Variants in SMOC1 observed in about 807,000 individuals in gnomAD.
SMOC1 encodes the protein SPARC-related modular calcium-binding protein 1.
In SMOC1, 22 loss-of-function variants were observed where a neutral mutation model predicts 56.3. The observed-to-expected ratio is 0.39, with a 90% CI of 0.28 to 0.56. The LOEUF is 0.56. Among genes scored for constraint, SMOC1 ranks in the 20% least tolerant of loss-of-function variants. The pLI is 0.61. For missense variants in SMOC1, 509 were observed against 565.4 expected (o/e 0.90, Z 1.01); for synonymous variants, 193 against 215.0 (o/e 0.90, Z 0.89).
chr14:70,003,112 G>A (rs1043890904), intron 7 of SMOC1, among the ~76,000 whole-genome samples: 15 of 152,290 alleles, frequency 9.8e-5, no homozygotes, highest in African/African-American at 2.9e-4. Flanking sequence ...ATTTCATGTT[G>A]TAATTTAGAA....
At chr14:69,936,243 C>G (rs147268096) in intron 1 of SMOC1, among the ~76,000 whole-genome samples, 9 of 152,326 alleles carry the variant, frequency 5.9e-5, no homozygotes, top group Admixed American at 2.6e-4. Context: ...ATCACAGCAC[C>G]ACTTTGGCTT....
At chr14:69,925,472 C>T (rs1264093562) in intron 1 of SMOC1, among the ~76,000 whole-genome samples, 1 of 152,082 alleles carries the variant, frequency 6.6e-6, no homozygotes, top group East Asian at 1.9e-4. Flanking sequence ...TTTGCAATCA[C>T]AGGATCCAGT....
At chr14:70,014,924 G>T (rs1312000301) in intron 10 of SMOC1, among the ~76,000 whole-genome samples, 1 of 152,208 alleles carries the variant, frequency 6.6e-6, no homozygotes, top group Non-Finnish European at 1.5e-5. Context: ...ATGTGTTTAG[G>T]GTAGGAGTTT....
At chr14:69,933,176 A>T (rs1885211302) in intron 1 of SMOC1, among the ~76,000 whole-genome samples, 1 of 152,112 alleles carries the variant, frequency 6.6e-6, no homozygotes, top group East Asian at 1.9e-4. Flanking sequence ...TTTTTATCTT[A>T]CTCTTTTACT....
In SMOC1 at chr14:69,952,164, G is replaced by A. The variant is rs3742909; in HGVS notation, c.126G>A (p.Gln42=). ...PRFLISDRDP[Q]CNLHCSRTQP... The stretch of plus-strand genomic sequence containing the variant: ...TTCTAATAAGTGACCGTGACCCACA[G>A]TGCAACCTCCACTGCTCCAGGACTC... The change falls in exon 2 of 12, where the codon CAG becomes CAA. Residue 42 remains glutamine, a synonymous_variant. Transcript: ENST00000361956. The A allele has an allele frequency of 0.25, 408,039 of 1,613,900 alleles. 54,615 individuals are homozygous for A. The highest frequency in any genetic ancestry group is 0.38 in the East Asian group (17,227 of 44,864).
At chr14:69,977,995 G>A (rs372924919) in intron 5 of SMOC1, 30 bp downstream of exon 5, 3 of 1,598,752 alleles carry the variant, frequency 1.9e-6, no homozygotes, top group Non-Finnish European at 2.6e-6. Context: ...TTATCTAAAT[G>A]TTTGCTTCCA....
At chr14:69,945,873 A>G (rs532594282) in intron 1 of SMOC1, among the ~76,000 whole-genome samples, 3 of 152,304 alleles carry the variant, frequency 2.0e-5, no homozygotes, top group African/African-American at 4.8e-5. Context: ...TAGCATGGCT[A>G]TCGTCTCCTT....
Position 69,952,081 on chromosome 14 carries a change from G to A in SMOC1, c.100-57G>A, listed in dbSNP as rs28367033. 0.016 allele frequency: 25,143 copies of A among 1,583,550 alleles called. 452 individuals are homozygous for A. Among genetic ancestry groups the A allele is most frequent in the Middle Eastern group, 0.095 (570 of 5,994 alleles). ...AACAAGTACTGTAAGTCATGGACTC[G>A]CCCCTACTTTTCTTGCAAAAGTAAC... is the stretch of plus-strand genomic sequence containing the variant. On this transcript the variant is annotated intron_variant, in intron 1 of 11. Transcript: ENST00000361956.
chr14:69,904,205 T>A (rs1327701939), intron 1 of SMOC1, among the ~76,000 whole-genome samples: 3 of 152,232 alleles, frequency 2.0e-5, no homozygotes, highest in Non-Finnish European at 2.9e-5. Flanking sequence ...TTGATTTTAT[T>A]TTCTGTCATT....
intron 7 of SMOC1, among the ~76,000 whole-genome samples, chr14:69,997,522 A>G (rs887982865): frequency 7.9e-5 from 12 of 152,240 alleles, no homozygotes; most frequent in Admixed American, 7.2e-4. Flanking sequence ...CTGAGTCTTG[A>G]TTTCCTTATA....
At chr14:70,004,260 C>T (rs1033676613) in intron 7 of SMOC1, among the ~76,000 whole-genome samples, 1 of 152,142 alleles carries the variant, frequency 6.6e-6, no homozygotes, top group East Asian at 1.9e-4. Context: ...TTTTTTCTTG[C>T]ACTTATTTTT....
At chr14:69,893,332 C>T (rs756791415) in intron 1 of SMOC1, among the ~76,000 whole-genome samples, 20 of 152,204 alleles carry the variant, frequency 1.3e-4, no homozygotes, top group East Asian at 3.9e-4. Context: ...TTCTAACTTT[C>T]GGGAGGCATT....
intron 5 of SMOC1, among the ~76,000 whole-genome samples, chr14:69,986,534 A>G (rs900278256): frequency 7.2e-5 from 11 of 152,196 alleles, no homozygotes; most frequent in African/African-American, 2.7e-4. Flanking sequence ...TAAAGCCGTT[A>G]CCATTGGGGG....
intron 1 of SMOC1, among the ~76,000 whole-genome samples, chr14:69,890,447 T>C (rs1212628143): frequency 3.9e-5 from 6 of 152,194 alleles, no homozygotes; most frequent in Non-Finnish European, 8.8e-5. Flanking sequence ...ATCATGGGGA[T>C]GTTCAATTTC....
chr14:69,912,791 C>T (rs764447781), intron 1 of SMOC1, among the ~76,000 whole-genome samples: 4 of 152,136 alleles, frequency 2.6e-5, no homozygotes, highest in Non-Finnish European at 4.4e-5. Flanking sequence ...AAGAGCCTTG[C>T]ATTCTTTCAC....
intron 5 of SMOC1, among the ~76,000 whole-genome samples, chr14:69,978,557 C>T (rs1251503978): frequency 6.6e-6 from 1 of 152,168 alleles, no homozygotes; most frequent in Non-Finnish European, 1.5e-5. Context: ...TGAGTGTCTG[C>T]TGAACCTTGT....
intron 5 of SMOC1, among the ~76,000 whole-genome samples, chr14:69,989,535 G>A (rs1884487997): frequency 6.6e-6 from 1 of 152,318 alleles, no homozygotes; most frequent in East Asian, 1.9e-4. Flanking sequence ...CCTTTAAAGT[G>A]TTTTACACCT....
At position 69,982,912 on chromosome 14, in the gene SMOC1, G is replaced by C. The variant is rs958204452; in HGVS notation, c.526+4947G>C. Among the ~76,000 whole-genome samples, 5 of 152,214 alleles carry C rather than the reference G, an allele frequency of 3.3e-5. No individual in the cohort carries two copies. The South Asian group carries it at 1.0e-3, about 32-fold the overall frequency. ...CCTGCTGAAACAGAACTGTGCCTGAGCAGCTCCAAGCCTGAGAGAGGCAGC... is the reference window on the plus strand; with the variant it reads ...CCTGCTGAAACAGAACTGTGCCTGACCAGCTCCAAGCCTGAGAGAGGCAGC... On this transcript the variant is annotated intron_variant, in intron 5 of 11. Coordinates refer to ENST00000361956, the MANE Select transcript of SMOC1 (RefSeq NM_001034852.3).
chr14:69,947,416 C>T (rs535905839), intron 1 of SMOC1, among the ~76,000 whole-genome samples: 1 of 152,122 alleles, frequency 6.6e-6, no homozygotes, highest in Non-Finnish European at 1.5e-5. Context: ...GCAATCCCAC[C>T]TTCTTGACCT....
Sources: gnomAD v4.1 joint callset for allele counts (sites outside exome capture counted in the v4.1 genomes callset) on GRCh38, gnomAD v4.1.1 for gene constraint, MANE v1.5 for transcripts, NCBI Gene and HGNC (gene_info 2026-07-23, HGNC 2026-07-21) for gene names.